Variants in SRC observed in about 807,000 individuals in gnomAD.
The protein encoded by SRC is proto-oncogene tyrosine-protein kinase Src.
A neutral mutation model predicts 62.9 loss-of-function variants in SRC; 13 were observed. That is an observed-to-expected ratio of 0.21 (90% CI 0.13 to 0.33). SRC has a LOEUF of 0.33. Ranked by LOEUF, SRC falls within the 10% of genes least tolerant of loss-of-function variation. The pLI is 1.00. For missense variants in SRC, 457 were observed against 737.3 expected, an observed-to-expected ratio of 0.62 and a Z score of 4.40; for synonymous variants, 302 against 317.5, an observed-to-expected ratio of 0.95 and a Z score of 0.52.
At chr20:37,373,153 C>CAAATAT (rs1163342642) in intron 2 of SRC, among the ~76,000 whole-genome samples, 2 of 121,710 alleles carry the variant, frequency 1.6e-5, no homozygotes, top group African/African-American at 8.4e-5. Flanking sequence ...TACATATACA[C>CAAATAT]ACATACACAC....
intron 1 of SRC, among the ~76,000 whole-genome samples, chr20:37,356,690 T>G (rs1173648005): frequency 6.6e-6 from 1 of 152,196 alleles, no homozygotes; most frequent in Non-Finnish European, 1.5e-5. Flanking sequence ...CCGGCCTCCC[T>G]TCCTTTTTGG....
intron 10 of SRC, 101 bp downstream of exon 10, chr20:37,400,395 G>T: frequency 9.0e-7 from 1 of 1,107,840 alleles, no homozygotes; most frequent in South Asian, 1.8e-5. Context: ...ATCTTCAAAG[G>T]TGGAATGCAG....
intron 2 of SRC, among the ~76,000 whole-genome samples, chr20:37,368,300 C>A (rs2070097042): frequency 6.6e-6 from 1 of 151,842 alleles, no homozygotes; most frequent in Admixed American, 6.6e-5. Flanking sequence ...CACCTGTGAT[C>A]CCAGCTACTC....
intron 1 of SRC, among the ~76,000 whole-genome samples, chr20:37,353,387 C>T (rs1193447678): frequency 2.0e-5 from 3 of 152,116 alleles, no homozygotes; most frequent in Non-Finnish European, 4.4e-5. Context: ...AGTGACTTGC[C>T]TGAGGTCACG....
At chr20:37,347,131 C>T (rs1299683722) in intron 1 of SRC, among the ~76,000 whole-genome samples, 1 of 152,262 alleles carries the variant, frequency 6.6e-6, no homozygotes, top group Non-Finnish European at 1.5e-5. Flanking sequence ...CTGCGTCCTT[C>T]AGGTGGACTT....
At chr20:37,388,637 A>G (rs2070492935) in intron 5 of SRC, among the ~76,000 whole-genome samples, 1 of 152,030 alleles carries the variant, frequency 6.6e-6, no homozygotes, top group Non-Finnish European at 1.5e-5. Context: ...GGTCCCAGCT[A>G]CTCAGGAGGC....
intron 2 of SRC, among the ~76,000 whole-genome samples, chr20:37,374,395 A>T (rs2070244438): frequency 6.6e-6 from 1 of 151,284 alleles, no homozygotes; most frequent in Admixed American, 6.6e-5. Flanking sequence ...TAATAATGCT[A>T]AGCTTTCTTT....
At chr20:37,401,184 G>A (rs1390565186) in intron 10 of SRC, among the ~76,000 whole-genome samples, 2 of 151,006 alleles carry the variant, frequency 1.3e-5, no homozygotes, top group Admixed American at 6.6e-5. Context: ...CGTATTTTTT[G>A]TACAGACAGA....
At chr20:37,380,662 A>G (rs1461474469) in intron 2 of SRC, among the ~76,000 whole-genome samples, 6 of 152,154 alleles carry the variant, frequency 3.9e-5, no homozygotes, top group Admixed American at 1.3e-4. Flanking sequence ...AGTGGGTGTC[A>G]GGCCCGTCCT....
chr20:37,352,006 G>C (rs189460405), intron 1 of SRC, among the ~76,000 whole-genome samples: 1 of 152,374 alleles, frequency 6.6e-6, no homozygotes, highest in East Asian at 1.9e-4. Context: ...CGGACGTGGA[G>C]TACTGGGATC....
intron 2 of SRC, among the ~76,000 whole-genome samples, chr20:37,373,213 CATGT>C (rs879612286): frequency 0.051 from 7,507 of 146,962 alleles, 255 homozygotes; most frequent in Non-Finnish European, 0.055. Flanking sequence ...TATCTACACA[CATGT>C]ACATACGTAC....
At chr20:37,390,704 C>T (rs1444514219) in intron 5 of SRC, among the ~76,000 whole-genome samples, 5 of 152,188 alleles carry the variant, frequency 3.3e-5, no homozygotes, top group Non-Finnish European at 5.9e-5. Flanking sequence ...CGTGCGCTGT[C>T]TGTTCTGGCA....
Position 37,402,641 on chromosome 20 carries a change from C to T in SRC, c.1270+53C>T, listed in dbSNP as rs563471713. On this transcript the variant is annotated intron_variant, in intron 12 of 13. Coordinates refer to ENST00000373578, the MANE Select transcript of SRC (RefSeq NM_198291.3). This position sits in a 1 kb window ranked among gnomAD's most constrained non-coding sequence, Gnocchi z 6.2. ...GCTTGGCCTGGGACAGGTCACGTCC[C>T]GCTCTGAGCCCCAGTTTTTTCCTCA... 99 of 1,576,454 alleles carry T rather than the reference C, an allele frequency of 6.3e-5. No homozygotes were observed. Among genetic ancestry groups the T allele is most frequent in the Non-Finnish European group, 7.6e-5 (88 of 1,158,994 alleles).
At chr20:37,352,001 G>C (rs11697215) in intron 1 of SRC, among the ~76,000 whole-genome samples, 36,278 of 152,216 alleles carry the variant, frequency 0.24, 4,525 homozygotes, top group Middle Eastern at 0.27. Flanking sequence ...CCAGTCGGAC[G>C]TGGAGTACTG....
chr20:37,402,634 C>A lies in SRC; in HGVS notation c.1270+46C>A, dbSNP rs750728078. On this transcript the variant is annotated intron_variant, in intron 12 of 13. Coordinates refer to ENST00000373578, the MANE Select transcript of SRC (RefSeq NM_198291.3). The surrounding 1 kb of genome is among the most constrained non-coding windows in gnomAD (Gnocchi z 6.2). ...ATGTCGCGCTTGGCCTGGGACAGGT[C>A]ACGTCCCGCTCTGAGCCCCAGTTTT... is the stretch of plus-strand genomic sequence containing the variant. 1.9e-6 allele frequency: 3 copies of A among 1,584,500 alleles called. No individual in the cohort carries two copies. The South Asian group carries it at 3.5e-5, about 18-fold the overall frequency.
Position 37,404,322 on chromosome 20 carries a change from A to G in SRC, c.*943A>G, listed in dbSNP as rs1183164735. On this transcript the variant is annotated 3_prime_UTR_variant, in exon 14 of 14. Transcript: ENST00000373578. ...GCTGGGGAATCAGGGTAAAAGGTGC[A>G]GGTGTGGAGAGAGAGGCTTCAATCG... The G allele has an allele frequency of 1.3e-5, 3 of 233,478 alleles. No homozygotes were observed. Among genetic ancestry groups the G allele is most frequent in the Non-Finnish European group, 2.5e-5 (3 of 118,044 alleles). The allele number at this position is 233,478 out of a possible 1,614,324, so 14.5% of individuals were successfully genotyped here. A position where few individuals can be genotyped will look rare whatever the true frequency, so the allele number is the denominator to read the frequency against.
intron 2 of SRC, among the ~76,000 whole-genome samples, chr20:37,373,150 A>ATC (rs1491428136): frequency 7.5e-6 from 1 of 133,846 alleles, no homozygotes. Flanking sequence ...ATGTACATAT[A>ATC]CACACATACA....
At chr20:37,362,495 T>G (rs1204603087) in intron 1 of SRC, among the ~76,000 whole-genome samples, 1 of 152,110 alleles carries the variant, frequency 6.6e-6, no homozygotes, top group Non-Finnish European at 1.5e-5. Context: ...CCCAAGAATC[T>G]TATCCTCAGT....
At chr20:37,352,732 A>C (rs1380998522) in intron 1 of SRC, among the ~76,000 whole-genome samples, 1 of 152,150 alleles carries the variant, frequency 6.6e-6, no homozygotes, top group Non-Finnish European at 1.5e-5. Context: ...CTGCACAGCA[A>C]GGGCCCCTAG....
Sources: gnomAD v4.1 joint callset for allele counts (sites outside exome capture counted in the v4.1 genomes callset) on GRCh38, gnomAD v4.1.1 for gene constraint, Gnocchi (gnomAD v3.1) non-coding constraint, MANE v1.5 for transcripts, NCBI Gene and HGNC (gene_info 2026-07-23, HGNC 2026-07-21) for gene names.